Variants in CTNNA1 observed in about 807,000 individuals in gnomAD.
The protein encoded by CTNNA1 is catenin alpha 1.
A neutral mutation model predicts 98.4 loss-of-function variants in CTNNA1; 37 were observed. That is an observed-to-expected ratio of 0.38 (90% CI 0.29 to 0.49). The LOEUF (loss-of-function observed/expected upper bound fraction) is 0.49, where lower values mean the gene tolerates loss of function less well. Ranked by LOEUF, CTNNA1 falls within the 20% of genes least tolerant of loss-of-function variation. The pLI is 0.95. For missense variants in CTNNA1, 761 were observed against 1,147.2 expected, an observed-to-expected ratio of 0.66 and a Z score of 4.86; for synonymous variants, 404 against 413.2, an observed-to-expected ratio of 0.98 and a Z score of 0.27.
At chr5:138,769,585 T>A (rs1322488644) in intron 1 of CTNNA1, among the ~76,000 whole-genome samples, 1 of 152,012 alleles carries the variant, frequency 6.6e-6, no homozygotes, top group Admixed American at 6.6e-5. Flanking sequence ...CAGGCCGGAG[T>A]GCAATGGTGC....
At chr5:138,902,659 T>G (rs1330374846) in intron 9 of CTNNA1, among the ~76,000 whole-genome samples, 1 of 152,194 alleles carries the variant, frequency 6.6e-6, no homozygotes, top group East Asian at 1.9e-4. Context: ...GACCTCATGA[T>G]CCGCCCGCCT....
chr5:138,929,134 A>G, intron 13 of CTNNA1, 112 bp from the exon 14 acceptor site: 1 of 769,146 alleles, frequency 1.3e-6, no homozygotes, highest in Non-Finnish European at 2.4e-6. Flanking sequence ...AGAACACTGC[A>G]CATTAAAATC....
intron 3 of CTNNA1, among the ~76,000 whole-genome samples, chr5:138,797,326 G>A (rs1054050858): frequency 2.6e-5 from 4 of 152,094 alleles, no homozygotes; most frequent in African/African-American, 4.8e-5. Flanking sequence ...AAGCTCTGTC[G>A]ATATTTTGGT....
intron 9 of CTNNA1, among the ~76,000 whole-genome samples, chr5:138,896,902 A>T (rs977341669): frequency 1.3e-5 from 2 of 152,136 alleles, no homozygotes; most frequent in African/African-American, 4.8e-5. Context: ...TAATTGCTTC[A>T]TTCCTTGCCC....
chr5:138,868,674 A>G (rs1302905453), intron 7 of CTNNA1, among the ~76,000 whole-genome samples: 1 of 152,194 alleles, frequency 6.6e-6, no homozygotes, highest in Non-Finnish European at 1.5e-5. Flanking sequence ...TTCTTACTGC[A>G]TGACAGCTTT....
chr5:138,926,911 C>T (rs1042483026), intron 13 of CTNNA1, among the ~76,000 whole-genome samples: 10 of 152,216 alleles, frequency 6.6e-5, no homozygotes, highest in South Asian at 6.2e-4. Context: ...CTCCCTCTCA[C>T]TTGCTCCACC....
At chr5:138,897,062 T>C (rs951413500) in intron 9 of CTNNA1, among the ~76,000 whole-genome samples, 18 of 145,642 alleles carry the variant, frequency 1.2e-4, no homozygotes, top group African/African-American at 4.5e-4. Flanking sequence ...AAAAATGATA[T>C]ATTATTCATA....
chr5:138,771,161 TA>T (rs1451412768), intron 1 of CTNNA1, among the ~76,000 whole-genome samples: 1 of 151,874 alleles, frequency 6.6e-6, no homozygotes, highest in African/African-American at 2.4e-5. Flanking sequence ...ATAGTGACTA[TA>T]CAAAGGAGGC....
chr5:138,795,411 T>C (rs1392331986), intron 3 of CTNNA1, among the ~76,000 whole-genome samples: 1 of 152,016 alleles, frequency 6.6e-6, no homozygotes, highest in Non-Finnish European at 1.5e-5. Flanking sequence ...TGAGCCGAGA[T>C]TGTGCCACGG....
intron 7 of CTNNA1, among the ~76,000 whole-genome samples, chr5:138,855,234 T>G (rs904636417): frequency 8.5e-5 from 13 of 152,318 alleles, no homozygotes; most frequent in African/African-American, 3.1e-4. Flanking sequence ...AGACAGGGAT[T>G]CACCATATTG....
At chr5:138,794,082 A>G (rs996459360) in intron 3 of CTNNA1, among the ~76,000 whole-genome samples, 1 of 145,584 alleles carries the variant, frequency 6.9e-6, no homozygotes, top group Non-Finnish European at 1.5e-5. Flanking sequence ...CAGTGGTGCA[A>G]TCTCGGCTCA....
At chr5:138,884,881 G>A (rs1753691563) in intron 7 of CTNNA1, among the ~76,000 whole-genome samples, 1 of 152,114 alleles carries the variant, frequency 6.6e-6, no homozygotes, top group Non-Finnish European at 1.5e-5. Context: ...ATTTGAATGA[G>A]TTTTTGTTGA....
chr5:138,769,592 G>A (rs895771400), intron 1 of CTNNA1, among the ~76,000 whole-genome samples: 1 of 151,872 alleles, frequency 6.6e-6, no homozygotes, highest in Non-Finnish European at 1.5e-5. Context: ...GAGTGCAATG[G>A]TGCGATCTTG....
intron 7 of CTNNA1, among the ~76,000 whole-genome samples, chr5:138,881,531 T>G (rs1250546736): frequency 6.6e-6 from 1 of 152,226 alleles, no homozygotes; most frequent in African/African-American, 2.4e-5. Flanking sequence ...CCCTTAGTTT[T>G]CAAACATTTT....
At chr5:138,923,780 C>T (rs1357311186) in intron 11 of CTNNA1, among the ~76,000 whole-genome samples, 1 of 152,182 alleles carries the variant, frequency 6.6e-6, no homozygotes, top group African/African-American at 2.4e-5. Context: ...GGTGGGGTTC[C>T]TAAAAATTTA....
At chr5:138,791,830 G>T (rs1158184565) in intron 3 of CTNNA1, among the ~76,000 whole-genome samples, 2 of 82,880 alleles carry the variant, frequency 2.4e-5, no homozygotes, top group African/African-American at 4.9e-5. Flanking sequence ...ACTGTTCATT[G>T]TAGCTGTTCT....
At chr5:138,833,675 G>C (rs564462249) in intron 7 of CTNNA1, among the ~76,000 whole-genome samples, 1 of 152,172 alleles carries the variant, frequency 6.6e-6, no homozygotes, top group East Asian at 1.9e-4. Flanking sequence ...ACCAGCTAAG[G>C]TGAGTAGATG....
In CTNNA1 at chr5:138,934,971, T is replaced by A. The variant is rs1363955919; in HGVS notation, c.*882T>A. The A allele has an allele frequency of 6.6e-6, 1 of 152,316 alleles. No homozygotes were observed. The highest frequency in any genetic ancestry group is 1.5e-5 in the Non-Finnish European group (1 of 68,042). 9.4% of individuals were successfully genotyped at this position (152,316 alleles called of 1,614,324 possible). ...TATCACCTTATTTAAATTTTATGAATTAATTTGAATGTTTTTTACACTAAC... is the reference window on the plus strand; with the variant it reads ...TATCACCTTATTTAAATTTTATGAAATAATTTGAATGTTTTTTACACTAAC... On this transcript the variant is annotated 3_prime_UTR_variant, in exon 18 of 18. Transcript: ENST00000302763.
In CTNNA1 at chr5:138,934,245, A is replaced by G. The variant is rs1766063268; in HGVS notation, c.*156A>G. The G allele has an allele frequency of 1.7e-6, 1 of 595,038 alleles. No individual in the cohort carries two copies. Among genetic ancestry groups the G allele is most frequent in the Admixed American group, 3.2e-5 (1 of 31,164 alleles). The allele number at this position is 595,038 out of a possible 1,614,324, so 36.9% of individuals were successfully genotyped here. Reference sequence around the variant, plus strand: ...CAGGTGGTGAATTTTCCAAGAACATAGTTTAAGTTGATTAAAAATGCTTTT... The same window carrying G: ...CAGGTGGTGAATTTTCCAAGAACATGGTTTAAGTTGATTAAAAATGCTTTT... On this transcript the variant is annotated 3_prime_UTR_variant, in exon 18 of 18. Coordinates refer to ENST00000302763, the MANE Select transcript of CTNNA1 (RefSeq NM_001903.5).
Sources: gnomAD v4.1 joint callset for allele counts (sites outside exome capture counted in the v4.1 genomes callset) on GRCh38, gnomAD v4.1.1 for gene constraint, MANE v1.5 for transcripts, NCBI Gene and HGNC (gene_info 2026-07-23, HGNC 2026-07-21) for gene names.